EML1: variants seen among roughly 807,000 people sequenced by gnomAD.
EML1 encodes the protein echinoderm microtubule-associated protein-like 1.
Under a neutral mutation model 110.4 loss-of-function variants are expected in EML1, and 27 were observed. The ratio of observed to expected loss-of-function variants is 0.24; its 90% CI spans 0.18 to 0.34. EML1 has a LOEUF of 0.34. EML1 is among the 10% of genes least tolerant of loss of function. EML1 has a pLI of 1.00. For missense variants in EML1, 741 were observed against 1,030.9 expected (o/e 0.72, Z 3.85); for synonymous variants, 344 against 385.8 (o/e 0.89, Z 1.27).
upstream of EML1, among the ~76,000 whole-genome samples, chr14:99,789,461 G>A (rs2057636664): frequency 6.6e-6 from 1 of 152,130 alleles, no homozygotes; most frequent in Non-Finnish European, 1.5e-5. Context: ...CACCCACCTC[G>A]GCTTCCCAAA....
At chr14:99,811,646 A>G (rs1035852415) in intron 1 of EML1, among the ~76,000 whole-genome samples, 1 of 146,266 alleles carries the variant, frequency 6.8e-6, no homozygotes, top group Non-Finnish European at 1.5e-5. Context: ...CTACCAAAAA[A>G]AAAAAAAAAA....
chr14:99,856,405 C>T (rs1276998243), intron 2 of EML1, among the ~76,000 whole-genome samples: 2 of 152,070 alleles, frequency 1.3e-5, no homozygotes, highest in Non-Finnish European at 2.9e-5. Flanking sequence ...TACTATGTTA[C>T]GGTCTCTTCA....
chr14:99,931,018 G>T (rs2060357030), intron 17 of EML1, among the ~76,000 whole-genome samples: 1 of 152,176 alleles, frequency 6.6e-6, no homozygotes, highest in Admixed American at 6.5e-5. Context: ...TCCGTCACTT[G>T]CAGTATTAGA....
chr14:99,809,488 A>G, intron 1 of EML1: 1 of 362,266 alleles, frequency 2.8e-6, no homozygotes, highest in Non-Finnish European at 5.5e-6. Context: ...GCATGCCCAG[A>G]AGCTGTGTCC....
At chr14:99,865,209 C>T (rs1255286190) in intron 2 of EML1, among the ~76,000 whole-genome samples, 5 of 152,164 alleles carry the variant, frequency 3.3e-5, no homozygotes, top group South Asian at 2.1e-4. Context: ...TGGGAGACAG[C>T]GACAGATCAT....
intron 1 of EML1, among the ~76,000 whole-genome samples, chr14:99,755,029 T>C (rs1263631284): frequency 2.0e-5 from 3 of 152,230 alleles, no homozygotes; most frequent in Non-Finnish European, 4.4e-5. Flanking sequence ...AGGCCCAGCA[T>C]CCTACACGGG....
intron 2 of EML1, among the ~76,000 whole-genome samples, chr14:99,864,988 A>C (rs1040629614): frequency 6.6e-6 from 1 of 152,120 alleles, no homozygotes; most frequent in South Asian, 2.1e-4. Flanking sequence ...ATTTTTCCAC[A>C]GAAGTGGGGC....
intron 1 of EML1, among the ~76,000 whole-genome samples, chr14:99,845,772 T>G (rs1261155983): frequency 6.6e-6 from 1 of 152,200 alleles, no homozygotes; most frequent in East Asian, 1.9e-4. Flanking sequence ...AGAGCCTGGC[T>G]GGGCGCTGAG....
At position 99,865,662 on chromosome 14, in the gene EML1, G is replaced by T. The variant is rs767782815; in HGVS notation, c.383+16G>T. 1.2e-6 allele frequency: 2 copies of T among 1,612,434 alleles called. No individual in the cohort carries two copies. Among genetic ancestry groups the T allele is most frequent in the South Asian group, 2.2e-5 (2 of 90,878 alleles). On this transcript the variant is annotated intron_variant, in intron 3 of 21. Transcript: ENST00000262233. ...CAACCAAAAGGTGAGCCAGAAGCAGGGCCTTAAATGAACTCTCAAAGCAGT... is the reference window on the plus strand; with the variant it reads ...CAACCAAAAGGTGAGCCAGAAGCAGTGCCTTAAATGAACTCTCAAAGCAGT...
rs142322812 is a variant in EML1 at position 99,838,650 on chromosome 14, G to A, written c.68-12203G>A. On this transcript the variant is annotated intron_variant, in intron 1 of 21. Coordinates refer to ENST00000262233, the MANE Select transcript of EML1 (RefSeq NM_004434.3). Reference sequence around the variant, plus strand: ...TGTAGTTTTTTTTTTTCTTTCTCCCGTCCAAGCTGTCCCAGAGCCTGGTGA... The same window carrying A: ...TGTAGTTTTTTTTTTTCTTTCTCCCATCCAAGCTGTCCCAGAGCCTGGTGA... Among the ~76,000 whole-genome samples, 513 of 150,776 alleles carry A rather than the reference G, an allele frequency of 3.4e-3. 3 individuals carry two copies. Among genetic ancestry groups the A allele is most frequent in the African/African-American group, 0.012 (481 of 40,984 alleles).
chr14:99,899,302 T>C (rs1452129917), intron 8 of EML1: 1 of 151,140 alleles, frequency 6.6e-6, no homozygotes, highest in Non-Finnish European at 1.5e-5. Flanking sequence ...ATTAATCTTA[T>C]GCTATTTTCC....
Position 99,818,964 on chromosome 14 carries a change from GT to G in EML1, c.67+25427del, listed in dbSNP as rs548840971. Among the ~76,000 whole-genome samples, 101 of 152,216 alleles carry G rather than the reference GT, an allele frequency of 6.6e-4. 2 individuals are homozygous for G. The highest frequency in any genetic ancestry group is 2.1e-3 in the African/African-American group (88 of 41,518). On this transcript the variant is annotated intron_variant, in intron 1 of 21. Coordinates refer to ENST00000262233, the MANE Select transcript of EML1 (RefSeq NM_004434.3). ...TTAATTTAATTGTTGATTTTATTTA[GT>G]TTTTTAGAGACAGGGTCTCGCTCTG...
intron 1 of EML1, among the ~76,000 whole-genome samples, chr14:99,757,381 G>A (rs1190557555): frequency 6.6e-6 from 1 of 152,016 alleles, no homozygotes; most frequent in Non-Finnish European, 1.5e-5. Context: ...CAAGACTGTG[G>A]CAGCAGAGCC....
intron 3 of EML1, among the ~76,000 whole-genome samples, chr14:99,877,690 TC>T (rs2139932766): frequency 6.6e-6 from 1 of 152,248 alleles, no homozygotes; most frequent in Admixed American, 6.5e-5. Context: ...ACTCGTGACG[TC>T]CTGTTAGCAT....
At chr14:99,790,786 G>A (rs2057656571), upstream of EML1, among the ~76,000 whole-genome samples, 1 of 152,052 alleles carries the variant, frequency 6.6e-6, no homozygotes, top group African/African-American at 2.4e-5. Context: ...GGCGCAAGAG[G>A]ACACTTTACC....
At chr14:99,844,083 C>G (rs2058671175) in intron 1 of EML1, among the ~76,000 whole-genome samples, 1 of 152,212 alleles carries the variant, frequency 6.6e-6, no homozygotes, top group Admixed American at 6.5e-5. Context: ...AGGACAGTCT[C>G]TTTCCCTTGA....
intron 17 of EML1, among the ~76,000 whole-genome samples, chr14:99,924,542 A>G (rs1480119553): frequency 6.6e-6 from 1 of 152,256 alleles, no homozygotes; most frequent in African/African-American, 2.4e-5. Flanking sequence ...TTATGTGAAT[A>G]TGGTTTCTCT....
chr14:99,764,925 G>C lies in EML1; in HGVS notation c.28+27065G>C, dbSNP rs199717300. On this transcript the variant is annotated intron_variant, in intron 1 of 10. Coordinates refer to the EML1 transcript ENST00000554479. Reference sequence around the variant, plus strand: ...ATTTACTATCTTAATCGTTTTTGTTGTTGTTGGTGTTGTTGTTGTTGTCGT... The same window carrying C: ...ATTTACTATCTTAATCGTTTTTGTTCTTGTTGGTGTTGTTGTTGTTGTCGT... Among the ~76,000 whole-genome samples, 195 of 152,158 alleles carry C rather than the reference G, an allele frequency of 1.3e-3. 3 individuals are homozygous for C. In the East Asian group the frequency reaches 0.031, roughly 24 times the overall value.
At chr14:99,894,189 T>A (rs1019094907) in intron 5 of EML1, among the ~76,000 whole-genome samples, 3 of 152,222 alleles carry the variant, frequency 2.0e-5, no homozygotes, top group African/African-American at 7.2e-5. Context: ...CATTGCAATA[T>A]AACAAATCCA....
Sources: gnomAD v4.1 joint callset for allele counts (sites outside exome capture counted in the v4.1 genomes callset) on GRCh38, gnomAD v4.1.1 for gene constraint, MANE v1.5 for transcripts, NCBI Gene and HGNC (gene_info 2026-07-23, HGNC 2026-07-21) for gene names.